ZNF804B: variants seen among roughly 807,000 people sequenced by gnomAD.
ZNF804B encodes the protein zinc finger protein 804B, also known as zinc finger 804B.
Under a neutral mutation model 101.4 loss-of-function variants are expected in ZNF804B, and 80 were observed. The ratio of observed to expected loss-of-function variants is 0.79; its 90% CI spans 0.66 to 0.95. The LOEUF is 0.95. Ranked by LOEUF, ZNF804B falls within the 40% of genes least tolerant of loss-of-function variation. The probability of loss-of-function intolerance (pLI) is 0.00; values close to 1 mark genes in which losing one functional copy is unlikely to be tolerated. For missense variants in ZNF804B, 1,673 were observed against 1,561.9 expected, an observed-to-expected ratio of 1.07 and a Z score of -1.20; for synonymous variants, 622 against 558.8, an observed-to-expected ratio of 1.11 and a Z score of -1.59.
chr7:89,180,990 G>T (rs961237208), intron 1 of ZNF804B, among the ~76,000 whole-genome samples: 1 of 151,062 alleles, frequency 6.6e-6, no homozygotes. Context: ...TCCCTCTGTG[G>T]GTATTGGTCT....
chr7:88,947,718 C>T (rs1335697655), intron 1 of ZNF804B, among the ~76,000 whole-genome samples: 1 of 151,684 alleles, frequency 6.6e-6, no homozygotes, highest in Non-Finnish European at 1.5e-5. Flanking sequence ...GACTTGGGTT[C>T]CATCCCCAAT....
chr7:89,320,495 C>T (rs38962), intron 2 of ZNF804B, among the ~76,000 whole-genome samples: 43,269 of 151,666 alleles, frequency 0.29, 7,412 homozygotes, highest in East Asian at 0.69. Flanking sequence ...AAAAACAGTG[C>T]CAAATAACTG....
chr7:89,015,107 C>T (rs1306769178), intron 1 of ZNF804B, among the ~76,000 whole-genome samples: 2 of 152,092 alleles, frequency 1.3e-5, no homozygotes, highest in African/African-American at 4.8e-5. Flanking sequence ...AGAGGGTGTA[C>T]TTTCCTTAGT....
intron 1 of ZNF804B, 44 bp from the exon 2 acceptor site, chr7:89,218,111 A>G (rs764592788): frequency 3.2e-6 from 5 of 1,583,414 alleles, no homozygotes; most frequent in South Asian, 1.1e-5. Flanking sequence ...TGGTTATGCT[A>G]TTAGAGAGAA....
chr7:89,085,931 T>A (rs989715), intron 1 of ZNF804B, among the ~76,000 whole-genome samples: 1 of 151,726 alleles, frequency 6.6e-6, no homozygotes, highest in African/African-American at 2.4e-5. Flanking sequence ...CCGGGATTTT[T>A]AAAACACGAT....
At chr7:88,811,040 GC>G (rs1790777191) in intron 1 of ZNF804B, among the ~76,000 whole-genome samples, 1 of 151,386 alleles carries the variant, frequency 6.6e-6, no homozygotes, top group Non-Finnish European at 1.5e-5. Context: ...AAATTAGAAT[GC>G]CCATCTCAGA....
At chr7:89,208,505 C>CATT (rs1788751739) in intron 1 of ZNF804B, among the ~76,000 whole-genome samples, 1 of 152,242 alleles carries the variant, frequency 6.6e-6, no homozygotes, top group Admixed American at 6.5e-5. Flanking sequence ...TTTTTCCTTC[C>CATT]ATTAGACAGA....
At chr7:89,210,065 C>T (rs1788779363) in intron 1 of ZNF804B, among the ~76,000 whole-genome samples, 2 of 151,580 alleles carry the variant, frequency 1.3e-5, no homozygotes, top group South Asian at 4.2e-4. Context: ...AGGAGAATCG[C>T]TTGAACCGGG....
chr7:89,078,388 C>G (rs1307030139), intron 1 of ZNF804B, among the ~76,000 whole-genome samples: 1 of 152,042 alleles, frequency 6.6e-6, no homozygotes, highest in Non-Finnish European at 1.5e-5. Flanking sequence ...GGTCATGCTT[C>G]TAATTTGATG....
At chr7:88,863,533 C>T (rs1475238221) in intron 1 of ZNF804B, among the ~76,000 whole-genome samples, 6 of 151,502 alleles carry the variant, frequency 4.0e-5, no homozygotes, top group South Asian at 2.1e-4. Context: ...TTTTTTTTAA[C>T]GAAGTTTATA....
intron 1 of ZNF804B, among the ~76,000 whole-genome samples, chr7:89,014,323 GT>G (rs1788507710): frequency 1.3e-5 from 2 of 151,850 alleles, no homozygotes; most frequent in Admixed American, 1.3e-4. Context: ...TGTTTTTGTT[GT>G]TTTTTTAGAT....
chr7:88,766,488 T>A (rs569038481), intron 1 of ZNF804B, among the ~76,000 whole-genome samples: 1 of 152,316 alleles, frequency 6.6e-6, no homozygotes, highest in Admixed American at 6.5e-5. Context: ...GATAATATAT[T>A]TTTCTCTTCA....
chr7:89,179,413 C>A (rs1205366625), intron 1 of ZNF804B, among the ~76,000 whole-genome samples: 2 of 151,980 alleles, frequency 1.3e-5, no homozygotes, highest in African/African-American at 2.4e-5. Flanking sequence ...AAAAAAAAAT[C>A]TGCTATTGAG....
At chr7:89,103,046 C>CTGTT (rs1790080556) in intron 1 of ZNF804B, among the ~76,000 whole-genome samples, 1 of 31,562 alleles carries the variant, frequency 3.2e-5, no homozygotes, top group Non-Finnish European at 5.8e-5. Flanking sequence ...ACCTATGTGT[C>CTGTT]TGTTTTTTTT....
intron 1 of ZNF804B, among the ~76,000 whole-genome samples, chr7:88,862,005 C>T (rs1403865803): frequency 6.6e-6 from 1 of 152,180 alleles, no homozygotes; most frequent in Non-Finnish European, 1.5e-5. Context: ...ACTTCAACAT[C>T]TCCCATCTGC....
chr7:88,810,285 T>G (rs1002096927), intron 1 of ZNF804B, among the ~76,000 whole-genome samples: 1 of 152,118 alleles, frequency 6.6e-6, no homozygotes, highest in Non-Finnish European at 1.5e-5. Flanking sequence ...TATGAATTCC[T>G]GTTATTAGTA....
intron 1 of ZNF804B, among the ~76,000 whole-genome samples, chr7:89,052,609 A>G (rs1375484005): frequency 1.3e-5 from 2 of 152,144 alleles, no homozygotes; most frequent in African/African-American, 4.8e-5. Flanking sequence ...TCATGGGTAC[A>G]AAAACATTGA....
intron 1 of ZNF804B, among the ~76,000 whole-genome samples, chr7:88,980,672 T>G (rs371660400): frequency 5.3e-5 from 8 of 152,116 alleles, no homozygotes; most frequent in African/African-American, 1.9e-4. Flanking sequence ...AAACAGAGTC[T>G]CTCTCTTCAT....
chr7:89,197,285 CA>C (rs1186511895), intron 1 of ZNF804B, among the ~76,000 whole-genome samples: 1 of 151,862 alleles, frequency 6.6e-6, no homozygotes, highest in Non-Finnish European at 1.5e-5. Context: ...CGGAACAGAA[CA>C]AAAAGGCCTC....
Sources: gnomAD v4.1 joint callset for allele counts (sites outside exome capture counted in the v4.1 genomes callset) on GRCh38, gnomAD v4.1.1 for gene constraint, MANE v1.5 for transcripts, NCBI Gene and HGNC (gene_info 2026-07-23, HGNC 2026-07-21) for gene names.